The following LUZP1 variants were observed in gnomAD, a reference collection of about 807,000 sequenced individuals.
The protein encoded by LUZP1 is filamin mechanobinding actin cross-linking protein.
LUZP1 carries 25 observed loss-of-function variants against 71.3 expected under a neutral mutation model. The ratio of observed to expected loss-of-function variants is 0.35; its 90% CI spans 0.26 to 0.49. The LOEUF is 0.49. Ranked by LOEUF, LUZP1 falls within the 20% of genes least tolerant of loss-of-function variation. The pLI, the probability that LUZP1 is intolerant of heterozygous loss-of-function variation, is 0.99. For synonymous variants in LUZP1, 481 were observed against 506.4 expected (o/e 0.95, Z 0.67); for missense variants, 1,142 against 1,300.8 (o/e 0.88, Z 1.88).
chr1:23,120,289 C>A (rs1162700753), intron 2 of LUZP1, among the ~76,000 whole-genome samples: 1 of 151,992 alleles, frequency 6.6e-6, no homozygotes, highest in Non-Finnish European at 1.5e-5. Context: ...AATTCAGGAT[C>A]CCTAGAAGAT....
chr1:23,122,256 G>T (rs1329542120), intron 2 of LUZP1, among the ~76,000 whole-genome samples: 4 of 151,982 alleles, frequency 2.6e-5, no homozygotes, highest in African/African-American at 9.7e-5. Flanking sequence ...AAAATATCCA[G>T]GACAAGAGCC....
At chr1:23,097,037 C>T (rs1643896013) in intron 3 of LUZP1, among the ~76,000 whole-genome samples, 1 of 152,150 alleles carries the variant, frequency 6.6e-6, no homozygotes, top group South Asian at 2.1e-4. Flanking sequence ...AAGGCACCAG[C>T]AGGTTTAGTG....
exon 4 of LUZP1, chr1:23,092,627 C>T: frequency 6.2e-7 from 1 of 1,614,206 alleles, no homozygotes; most frequent in Non-Finnish European, 8.5e-7. Context: ...CGTTGCCAAG[C>T]ACGTGTCCCC....
chr1:23,115,634 G>T (rs1415052305), intron 2 of LUZP1, among the ~76,000 whole-genome samples: 1 of 152,056 alleles, frequency 6.6e-6, no homozygotes, highest in Non-Finnish European at 1.5e-5. Context: ...TCCGCCTCCC[G>T]GGTTCAAGCG....
chr1:23,163,023 C>T (rs978534174), intron 2 of LUZP1, among the ~76,000 whole-genome samples: 38 of 151,832 alleles, frequency 2.5e-4, no homozygotes, highest in Non-Finnish European at 3.7e-4. Context: ...AGGCGGATCA[C>T]GAGGTCAGCA....
chr1:23,100,946 G>A (rs1044816674), intron 3 of LUZP1, among the ~76,000 whole-genome samples: 12 of 152,120 alleles, frequency 7.9e-5, no homozygotes, highest in African/African-American at 2.9e-4. Flanking sequence ...AAAAGTCAAG[G>A]ACTTCAGTCT....
intron 1 of LUZP1, among the ~76,000 whole-genome samples, chr1:23,171,102 AT>A (rs1433318335): frequency 1.8e-3 from 233 of 130,398 alleles, no homozygotes; most frequent in Middle Eastern, 7.6e-3. Context: ...AAAAAAAAAT[AT>A]ATATATATAT....
chr1:23,112,507 A>C (rs564109604), intron 2 of LUZP1, among the ~76,000 whole-genome samples: 1 of 152,216 alleles, frequency 6.6e-6, no homozygotes, highest in South Asian at 2.1e-4. Flanking sequence ...AGCTCAAGTG[A>C]ACATTTTTGT....
chr1:23,118,115 AAAAC>A (rs985739402), intron 2 of LUZP1, among the ~76,000 whole-genome samples: 4 of 151,656 alleles, frequency 2.6e-5, no homozygotes, highest in African/African-American at 7.3e-5. Flanking sequence ...ATAATAAATA[AAAAC>A]AAACAGTCAT....
exon 5 of LUZP1, chr1:23,087,091 T>G (rs1643777293): frequency 6.6e-6 from 1 of 152,108 alleles, no homozygotes; most frequent in South Asian, 2.1e-4. Flanking sequence ...ATACACAGAC[T>G]TGGGTACTTT....
At chr1:23,084,601 A>ATGAT (rs1383350318) in exon 5 of LUZP1, 3 of 152,190 alleles carry the variant, frequency 2.0e-5, no homozygotes, top group Non-Finnish European at 2.9e-5. Flanking sequence ...TGACAGATAG[A>ATGAT]TGATAAACAC....
chr1:23,164,339 C>A (rs1368832178), intron 2 of LUZP1, among the ~76,000 whole-genome samples: 1 of 151,960 alleles, frequency 6.6e-6, no homozygotes, highest in Non-Finnish European at 1.5e-5. Flanking sequence ...ACTAAAAATA[C>A]AAAAAATTAG....
rs1403346030 is a variant in LUZP1, at chr1:23,094,317, G to T, written c.-56C>A. ...GGCATCCAATTCCACTCAAGGGGATGAGAAATGGTTACCTTTCTCTTGGCA... is the reference window on the plus strand; with the variant it reads ...GGCATCCAATTCCACTCAAGGGGATTAGAAATGGTTACCTTTCTCTTGGCA... On this transcript the variant is annotated 5_prime_UTR_variant, in exon 4 of 5. Coordinates refer to ENST00000302291, the Ensembl canonical transcript of LUZP1. The surrounding 1 kb of genome is among the most constrained non-coding windows in gnomAD (Gnocchi z 4.7). The T allele has an allele frequency of 1.3e-6, 2 of 1,517,840 alleles. No individual in the cohort carries two copies. The highest frequency in any genetic ancestry group is 2.3e-5 in the East Asian group (1 of 43,696). The allele number at this position is 1,517,840 out of a possible 1,614,324, so 94.0% of individuals were successfully genotyped here. A position where few individuals can be genotyped will look rare whatever the true frequency, so the allele number is the denominator to read the frequency against.
intron 2 of LUZP1, among the ~76,000 whole-genome samples, chr1:23,130,924 T>C (rs550900223): frequency 2.0e-5 from 3 of 152,028 alleles, no homozygotes; most frequent in Non-Finnish European, 2.9e-5. Flanking sequence ...CCTTAAGGTC[T>C]TTCTACCTGG....
At chr1:23,112,990 GT>G (rs1644046838) in intron 2 of LUZP1, among the ~76,000 whole-genome samples, 1 of 152,240 alleles carries the variant, frequency 6.6e-6, no homozygotes, top group Non-Finnish European at 1.5e-5. Context: ...AGAGTTTGCA[GT>G]TTTGAGTCTG....
intron 2 of LUZP1, among the ~76,000 whole-genome samples, chr1:23,163,430 A>G (rs958488935): frequency 8.6e-5 from 13 of 151,556 alleles, no homozygotes; most frequent in African/African-American, 2.9e-4. Flanking sequence ...GGTGGTGCAC[A>G]CTTGTAGTCC....
chr1:23,120,336 G>A lies in LUZP1; in HGVS notation c.-225-11209C>T, dbSNP rs145242304. ...GGCCTCAGAAGTGCATGCCTCCTAC[G>A]CTCTAAATAATATACCTCCTAATAA... is the stretch of plus-strand genomic sequence containing the variant. On this transcript the variant is annotated intron_variant, in intron 2 of 4. Coordinates refer to ENST00000302291, the Ensembl canonical transcript of LUZP1. Among the ~76,000 whole-genome samples, 26 of 151,992 alleles carry A rather than the reference G, an allele frequency of 1.7e-4. No homozygotes were observed. In the East Asian group the frequency reaches 4.1e-3, roughly 24 times the overall value.
At chr1:23,159,424 G>A (rs1427796553) in intron 2 of LUZP1, among the ~76,000 whole-genome samples, 3 of 152,066 alleles carry the variant, frequency 2.0e-5, no homozygotes, top group Non-Finnish European at 4.4e-5. Flanking sequence ...GTCACTAACT[G>A]GCATTCTTTT....
At chr1:23,118,948 T>C (rs960112143) in intron 2 of LUZP1, among the ~76,000 whole-genome samples, 1 of 152,202 alleles carries the variant, frequency 6.6e-6, no homozygotes, top group Non-Finnish European at 1.5e-5. Flanking sequence ...GCACTTTGTC[T>C]GTATCTCTAC....
Sources: gnomAD v4.1 joint callset for allele counts (sites outside exome capture counted in the v4.1 genomes callset) on GRCh38, gnomAD v4.1.1 for gene constraint, Gnocchi (gnomAD v3.1) non-coding constraint, MANE v1.5 for transcripts, NCBI Gene and HGNC (gene_info 2026-07-23, HGNC 2026-07-21) for gene names.